Variants in NR3C2 observed in about 807,000 individuals in gnomAD.
NR3C2 encodes nuclear receptor subfamily 3 group C member 2, also known as mineralocorticoid receptor.
In NR3C2, 15 loss-of-function variants were observed where a neutral mutation model predicts 86.4. The observed-to-expected ratio is 0.17, with a 90% CI of 0.12 to 0.27. The LOEUF (loss-of-function observed/expected upper bound fraction) is 0.27, where lower values mean the gene tolerates loss of function less well. Among genes scored for constraint, NR3C2 ranks in the 10% least tolerant of loss-of-function variants. The pLI is 1.00. For missense variants in NR3C2, 960 were observed against 1,195.6 expected (o/e 0.80, Z 2.91); for synonymous variants, 458 against 450.5 (o/e 1.02, Z -0.21).
chr4:148,261,169 G>T (rs1044662628), intron 2 of NR3C2, among the ~76,000 whole-genome samples: 1 of 152,156 alleles, frequency 6.6e-6, no homozygotes, highest in Non-Finnish European at 1.5e-5. Context: ...AAGTGCTATG[G>T]TGCACTATGG....
intron 3 of NR3C2, among the ~76,000 whole-genome samples, chr4:148,212,418 C>G (rs2149817588): frequency 6.6e-6 from 1 of 152,344 alleles, no homozygotes; most frequent in African/African-American, 2.4e-5. Context: ...CTACCCTCAG[C>G]AGTGTAGTCC....
chr4:148,206,213 T>A (rs897883462), intron 3 of NR3C2, among the ~76,000 whole-genome samples: 1 of 152,196 alleles, frequency 6.6e-6, no homozygotes, highest in African/African-American at 2.4e-5. Context: ...CATCCTTGTC[T>A]CTGTTACTCT....
chr4:148,377,657 T>TTGTAAAGAG, intron 2 of NR3C2, among the ~76,000 whole-genome samples: 1 of 152,336 alleles, frequency 6.6e-6, no homozygotes, highest in Non-Finnish European at 1.5e-5. Flanking sequence ...CAGTGAACAT[T>TTGTAAAGAG]TGTAAAGAGT....
chr4:148,243,778 A>G (rs1401813454), intron 3 of NR3C2, among the ~76,000 whole-genome samples: 1 of 152,198 alleles, frequency 6.6e-6, no homozygotes, highest in Admixed American at 6.5e-5. Flanking sequence ...ATTTCTTACC[A>G]TAGTATAGAG....
chr4:148,377,394 C>T (rs1286929446), intron 2 of NR3C2, among the ~76,000 whole-genome samples: 1 of 152,094 alleles, frequency 6.6e-6, no homozygotes, highest in African/African-American at 2.4e-5. Context: ...TATTGTGAAG[C>T]TCTTCCCAAA....
chr4:148,212,708 C>T (rs1357737480), intron 3 of NR3C2, among the ~76,000 whole-genome samples: 1 of 152,126 alleles, frequency 6.6e-6, no homozygotes, highest in African/African-American at 2.4e-5. Context: ...AAGTACATTT[C>T]AAATATTTTT....
Position 148,335,401 on chromosome 4 carries a change from G to A in NR3C2, c.1758-75284C>T, listed in dbSNP as rs570557745. 1.1e-3 allele frequency among the ~76,000 whole-genome samples: 164 copies of A among 152,116 alleles called. 1 individual carries two copies. The highest frequency in any genetic ancestry group is 2.4e-3 in the Admixed American group (36 of 15,266). ...ATGTTTAACTAAATAGGAATTTCTC[G>A]TAATGAGAAAATTTCTAGACATGCG... On this transcript the variant is annotated intron_variant, in intron 2 of 8. Coordinates refer to ENST00000358102, the MANE Select transcript of NR3C2 (RefSeq NM_000901.5).
At chr4:148,151,918 A>T (rs1269991045) in intron 6 of NR3C2, among the ~76,000 whole-genome samples, 3 of 152,198 alleles carry the variant, frequency 2.0e-5, no homozygotes. Context: ...ACTGATTACG[A>T]TTCTTTCAGT....
intron 2 of NR3C2, among the ~76,000 whole-genome samples, chr4:148,323,962 A>G (rs138627092): frequency 6.6e-6 from 1 of 152,304 alleles, no homozygotes; most frequent in Non-Finnish European, 1.5e-5. Context: ...TATATAATCT[A>G]AAATGTTTGT....
intron 3 of NR3C2, among the ~76,000 whole-genome samples, chr4:148,210,366 G>GTT (rs1211535130): frequency 6.6e-6 from 1 of 151,950 alleles, no homozygotes; most frequent in African/African-American, 2.4e-5. Context: ...AATTTTTTGT[G>GTT]TTTTAGCAGA....
intron 2 of NR3C2, among the ~76,000 whole-genome samples, chr4:148,347,459 C>CAAG (rs1170312351): frequency 6.6e-6 from 1 of 152,064 alleles, no homozygotes. Flanking sequence ...GTTCGCTTAC[C>CAAG]ACTATAGAAT....
rs1402207038 is a variant in NR3C2 at position 148,080,571 on chromosome 4, T to C, written c.*773A>G. 1 of 156,320 alleles carries C rather than the reference T, an allele frequency of 6.4e-6. No individual in the cohort carries two copies. The highest frequency in any genetic ancestry group is 2.4e-5 in the African/African-American group (1 of 41,580). 9.7% of individuals were successfully genotyped at this position (156,320 alleles called of 1,614,324 possible). A position where few individuals can be genotyped will look rare whatever the true frequency, so the allele number is the denominator to read the frequency against. On this transcript the variant is annotated 3_prime_UTR_variant, in exon 9 of 9. Transcript: ENST00000358102. ...AACCATTAAAGATTTTTTTTGTATG[T>C]GTCTCATTTACAAAAGATCCTTATA...
intron 4 of NR3C2, among the ~76,000 whole-genome samples, chr4:148,173,540 C>T (rs1735231723): frequency 6.6e-6 from 1 of 152,212 alleles, no homozygotes; most frequent in African/African-American, 2.4e-5. Context: ...TGAATTCTCT[C>T]ATAGAGCCTC....
chr4:148,435,400 G>T lies in NR3C2; in HGVS notation c.1461C>A (p.Ser487Arg). ...CTTGTTTAATACCCACTGGGAATCC[G>T]CTGCCTTCACAGTTACCATCAAAGC... is the stretch of plus-strand genomic sequence containing the variant. The part of the protein sequence containing the change: ...VPGFDGNCEG[S>R]GFPVGIKQEP... Residue 487 changes from serine (S) to arginine (R), a missense_variant, in exon 2 of 9, where the codon AGC (serine) becomes AGA (arginine). Ser to Arg is a moderately radical substitution (Grantham distance 110). Transcript: ENST00000358102. 6.2e-7 allele frequency: 1 copy of T among 1,613,988 alleles called. No individual in the cohort carries two copies. The highest frequency in any genetic ancestry group is 8.5e-7 in the Non-Finnish European group (1 of 1,180,010).
intron 2 of NR3C2, among the ~76,000 whole-genome samples, chr4:148,262,933 C>T (rs945040070): frequency 2.0e-5 from 3 of 152,138 alleles, no homozygotes; most frequent in African/African-American, 7.2e-5. Context: ...CCAAACACTC[C>T]TCCAGCACCA....
chr4:148,273,062 A>G (rs1740770922), intron 2 of NR3C2, among the ~76,000 whole-genome samples: 1 of 152,166 alleles, frequency 6.6e-6, no homozygotes, highest in Non-Finnish European at 1.5e-5. Flanking sequence ...AGTCATCAAT[A>G]CCACCTGACC....
intron 4 of NR3C2, among the ~76,000 whole-genome samples, chr4:148,193,751 A>G (rs1193360789): frequency 6.6e-6 from 1 of 152,242 alleles, no homozygotes; most frequent in African/African-American, 2.4e-5. Flanking sequence ...CTTGGAGAGT[A>G]TTAAGAAAAA....
chr4:148,085,695 C>A (rs1730780627), intron 8 of NR3C2, among the ~76,000 whole-genome samples: 1 of 152,194 alleles, frequency 6.6e-6, no homozygotes, highest in East Asian at 1.9e-4. Context: ...ATCAATGAAT[C>A]CAGGGGCTGG....
chr4:148,324,623 T>C (rs1413672045), intron 2 of NR3C2, among the ~76,000 whole-genome samples: 1 of 152,076 alleles, frequency 6.6e-6, no homozygotes, highest in Non-Finnish European at 1.5e-5. Context: ...GGGACTACAG[T>C]TAATAATACT....
Sources: allele counts gnomAD v4.1 joint callset (sites outside exome capture counted in the v4.1 genomes callset), GRCh38; gene constraint gnomAD v4.1.1; transcripts MANE v1.5; gene names NCBI Gene and HGNC (gene_info 2026-07-23, HGNC 2026-07-21).